Variants in RASGRP1 observed in about 807,000 individuals in gnomAD.
RASGRP1 encodes the protein RAS guanyl-releasing protein 1.
RASGRP1 carries 37 observed loss-of-function variants against 95.1 expected under a neutral mutation model. That is an observed-to-expected ratio of 0.39 (90% CI 0.30 to 0.51). The LOEUF (loss-of-function observed/expected upper bound fraction) is 0.51. Ranked by LOEUF, RASGRP1 falls within the 20% of genes least tolerant of loss-of-function variation. The probability of loss-of-function intolerance (pLI) is 0.80; values close to 1 mark genes in which losing one functional copy is unlikely to be tolerated. For missense variants in RASGRP1, 711 were observed against 965.4 expected (o/e 0.74, Z 3.49); for synonymous variants, 325 against 353.4 (o/e 0.92, Z 0.90).
At chr15:38,502,465 G>A in intron 11 of RASGRP1, 44 bp from the exon 12 acceptor site, 1 of 1,227,540 alleles carries the variant, frequency 8.1e-7, no homozygotes, top group Admixed American at 1.9e-5. Context: ...AGAGAAACCG[G>A]TCTTCTCTCC....
intron 11 of RASGRP1, 43 bp from the exon 12 acceptor site, chr15:38,502,464 G>T: frequency 8.1e-7 from 1 of 1,228,476 alleles, no homozygotes; most frequent in Non-Finnish European, 1.2e-6. Context: ...AAGAGAAACC[G>T]GTCTTCTCTC....
intron 10 of RASGRP1, chr15:38,504,341 T>C (rs1891166424): frequency 6.6e-6 from 1 of 152,242 alleles, no homozygotes; most frequent in Non-Finnish European, 1.5e-5. Context: ...TCTTTTGTTA[T>C]GACACTTAGC....
At chr15:38,492,281 C>T (rs59569884) in intron 16 of RASGRP1, among the ~76,000 whole-genome samples, 9,961 of 152,088 alleles carry the variant, frequency 0.065, 503 homozygotes, top group East Asian at 0.16. Flanking sequence ...GTTCTTTTTT[C>T]GTATGTTTCT....
At chr15:38,542,842 T>TATATACATATATGTGTATATATATACAC (rs1555403771) in intron 2 of RASGRP1, among the ~76,000 whole-genome samples, 1 of 115,302 alleles carries the variant, frequency 8.7e-6, no homozygotes, top group East Asian at 2.7e-4. Context: ...TGTGTATATA[T>TATATACATATATGTGTATATATATACAC]ATATATGTGT....
intron 10 of RASGRP1, 134 bp from the exon 11 acceptor site, chr15:38,503,510 A>AC: frequency 1.4e-6 from 1 of 733,090 alleles, no homozygotes; most frequent in Non-Finnish European, 2.3e-6. Flanking sequence ...GGAGCAGAGA[A>AC]CCCACAGGCA....
At chr15:38,563,596 T>C (rs1345990517) in intron 1 of RASGRP1, among the ~76,000 whole-genome samples, 4 of 152,228 alleles carry the variant, frequency 2.6e-5, no homozygotes, top group Admixed American at 6.5e-5. Flanking sequence ...TCTTGACTTC[T>C]AGTATGGATT....
intron 8 of RASGRP1, among the ~76,000 whole-genome samples, chr15:38,510,458 A>G (rs1029354662): frequency 1.6e-4 from 24 of 152,330 alleles, no homozygotes; most frequent in African/African-American, 5.5e-4. Flanking sequence ...AGACTCCCCA[A>G]AAGGGAGCTG....
intron 8 of RASGRP1, among the ~76,000 whole-genome samples, chr15:38,508,970 T>C (rs1443140642): frequency 6.6e-6 from 1 of 152,192 alleles, no homozygotes; most frequent in Non-Finnish European, 1.5e-5. Context: ...ACAAACCCGA[T>C]TGCTGTCAAG....
chr15:38,534,203 A>C (rs1401518568), intron 2 of RASGRP1: 1 of 152,298 alleles, frequency 6.6e-6, no homozygotes, highest in African/African-American at 2.4e-5. Flanking sequence ...AAGGACTTCA[A>C]GGGTGAATCC....
chr15:38,526,216 A>G (rs1258607200), intron 3 of RASGRP1, 83 bp downstream of exon 3: 4 of 1,132,428 alleles, frequency 3.5e-6, no homozygotes, highest in Non-Finnish European at 5.3e-6. Flanking sequence ...CAAACCAATA[A>G]AAATAAAAGC....
intron 7 of RASGRP1, 59 bp from the exon 8 acceptor site, chr15:38,511,779 CT>C: frequency 7.5e-7 from 1 of 1,325,824 alleles, no homozygotes; most frequent in South Asian, 1.2e-5. Context: ...ATATGGGGAG[CT>C]TAGAGGCTGC....
intron 8 of RASGRP1, among the ~76,000 whole-genome samples, chr15:38,510,235 TATAAG>T (rs1276372011): frequency 1.3e-5 from 2 of 152,206 alleles, no homozygotes; most frequent in Non-Finnish European, 2.9e-5. Flanking sequence ...AGCTCTCTCT[TATAAG>T]CTAAATGACA....
chr15:38,499,703 A>G (rs1218411683), intron 14 of RASGRP1, among the ~76,000 whole-genome samples: 1 of 152,114 alleles, frequency 6.6e-6, no homozygotes, highest in East Asian at 1.9e-4. Flanking sequence ...AGACCAGCTG[A>G]TATGGTTTAG....
In RASGRP1 at chr15:38,494,614, TC is replaced by T; in HGVS notation, c.2026del (p.Glu676AsnfsTer59). On this transcript the variant is annotated frameshift_variant, in exon 16 of 17. Transcript: ENST00000310803. LOFTEE classifies it high-confidence loss of function. ...CTCACTGCCAATCCAAGGCTGTGAT[TC>T]AGTCTGGGTGGCCTTGTGGGCAACA... is the stretch of plus-strand genomic sequence containing the variant. ...RAVAHKATQT[E>X]SQPWIGSEGP... The T allele has an allele frequency of 6.4e-7, 1 of 1,560,622 alleles. No homozygotes were observed. Among genetic ancestry groups the T allele is most frequent in the Non-Finnish European group, 8.6e-7 (1 of 1,158,076 alleles).
chr15:38,544,116 A>C (rs1351252884), intron 2 of RASGRP1, among the ~76,000 whole-genome samples: 2 of 152,188 alleles, frequency 1.3e-5, no homozygotes, highest in African/African-American at 4.8e-5. Flanking sequence ...CTCATATTCT[A>C]GGGCTAAAGT....
intron 2 of RASGRP1, among the ~76,000 whole-genome samples, chr15:38,558,330 C>A (rs1052415174): frequency 6.6e-5 from 10 of 152,056 alleles, no homozygotes; most frequent in African/African-American, 2.2e-4. Flanking sequence ...AAATAGAAAG[C>A]CATTCATTCT....
intron 5 of RASGRP1, 139 bp downstream of exon 5, chr15:38,518,153 C>T (rs1595850399): frequency 1.3e-6 from 1 of 774,034 alleles, no homozygotes; most frequent in East Asian, 2.7e-5. Context: ...GCAGTTTGAA[C>T]CTGTGTATTT....
At chr15:38,515,778 AC>A (rs572642236) in intron 6 of RASGRP1, among the ~76,000 whole-genome samples, 526 of 98,336 alleles carry the variant, frequency 5.3e-3, no homozygotes, top group African/African-American at 9.9e-3. Flanking sequence ...CCGCCCCCGC[AC>A]CCCCCCCCCT....
chr15:38,552,792 G>A (rs1006616581), intron 2 of RASGRP1, among the ~76,000 whole-genome samples: 85 of 152,276 alleles, frequency 5.6e-4, no homozygotes, highest in African/African-American at 1.9e-3. Context: ...TTAACAATCT[G>A]CTCTTGTGAG....
Sources: allele counts gnomAD v4.1 joint callset (sites outside exome capture counted in the v4.1 genomes callset), GRCh38; gene constraint gnomAD v4.1.1; transcripts MANE v1.5; gene names NCBI Gene and HGNC (gene_info 2026-07-23, HGNC 2026-07-21).